COTL1: variants seen among roughly 807,000 people sequenced by gnomAD.
The protein encoded by COTL1 is coactosin like F-actin binding protein 1, also known as coactosin-like protein.
COTL1 carries 15 observed loss-of-function variants against 16.5 expected under a neutral mutation model. The ratio of observed to expected loss-of-function variants is 0.91; its 90% CI spans 0.61 to 1.40. COTL1 has a LOEUF of 1.40. Ranked by LOEUF, COTL1 falls within the 40% of genes most tolerant of loss-of-function variation. The probability of loss-of-function intolerance (pLI) is 0.00; values close to 1 mark genes in which losing one functional copy is unlikely to be tolerated. For synonymous variants in COTL1, 112 were observed against 85.3 expected, an observed-to-expected ratio of 1.31 and a Z score of -1.73; for missense variants, 220 against 201.5, an observed-to-expected ratio of 1.09 and a Z score of -0.56.
chr16:84,581,481 C>T (rs560286706), intron 3 of COTL1, among the ~76,000 whole-genome samples: 1 of 151,136 alleles, frequency 6.6e-6, no homozygotes, highest in Non-Finnish European at 1.5e-5. Context: ...CCCCAGTCAG[C>T]TCTCACTCCT....
At chr16:84,586,870 A>G (rs918783649) in intron 3 of COTL1, among the ~76,000 whole-genome samples, 1 of 152,152 alleles carries the variant, frequency 6.6e-6, no homozygotes, top group Non-Finnish European at 1.5e-5. Flanking sequence ...GATTACAGGC[A>G]TGAGCCACCA....
At chr16:84,591,830 A>ATAACATAACATAACATAAC (rs1904874620) in intron 2 of COTL1, among the ~76,000 whole-genome samples, 1 of 89,418 alleles carries the variant, frequency 1.1e-5, no homozygotes. Flanking sequence ...TCTCAAATAA[A>ATAACATAACATAACATAAC]ATAAAATAAA....
At chr16:84,587,628 A>G (rs1904762709) in intron 3 of COTL1, among the ~76,000 whole-genome samples, 1 of 152,122 alleles carries the variant, frequency 6.6e-6, no homozygotes, top group Non-Finnish European at 1.5e-5. Context: ...TAAAAAAAGC[A>G]GCTGCAGATG....
rs1267560458 is a variant in COTL1 at position 84,590,425 on chromosome 16, C to A, written c.161-163G>T. The A allele has an allele frequency of 1.5e-5, 10 of 670,250 alleles. No homozygotes were observed. The highest frequency in any genetic ancestry group is 2.4e-5 in the Non-Finnish European group (10 of 414,202). 41.5% of individuals were successfully genotyped at this position (670,250 alleles called of 1,614,324 possible). A position where few individuals can be genotyped will look rare whatever the true frequency, so the allele number is the denominator to read the frequency against. On this transcript the variant is annotated intron_variant, in intron 2 of 3. Coordinates refer to ENST00000262428, the MANE Select transcript of COTL1 (RefSeq NM_021149.5). The surrounding 1 kb of genome is among the most constrained non-coding windows in gnomAD (Gnocchi z 5.5). Reference sequence around the variant, plus strand: ...GTGCAGAGGACAGGAGGGAAGCACTCATCCGCTGCCCTTGTCACACTCCCC... The same window carrying A: ...GTGCAGAGGACAGGAGGGAAGCACTAATCCGCTGCCCTTGTCACACTCCCC...
chr16:84,591,394 AG>A (rs1219791221), intron 2 of COTL1, among the ~76,000 whole-genome samples: 4 of 151,752 alleles, frequency 2.6e-5, no homozygotes, highest in African/African-American at 9.7e-5. Flanking sequence ...TGTGTTAGCC[AG>A]GATGAATCTT....
intron 2 of COTL1, among the ~76,000 whole-genome samples, chr16:84,607,936 G>A (rs1279111535): frequency 1.3e-5 from 2 of 152,180 alleles, no homozygotes; most frequent in African/African-American, 4.8e-5. Context: ...AGCAGCAGAA[G>A]GAAGTGAGAA....
At chr16:84,584,067 G>A (rs1403132495) in intron 3 of COTL1, among the ~76,000 whole-genome samples, 1 of 152,224 alleles carries the variant, frequency 6.6e-6, no homozygotes, top group Admixed American at 6.5e-5. Context: ...ACTACCAGCG[G>A]TCACTGCATT....
intron 3 of COTL1, among the ~76,000 whole-genome samples, chr16:84,573,857 C>T (rs887162323): frequency 5.9e-5 from 9 of 151,656 alleles, no homozygotes; most frequent in African/African-American, 1.9e-4. Flanking sequence ...TTCAGCTGAA[C>T]AAAATAGTGA....
At chr16:84,607,883 AGCCCTAAGAAACGCCTAGACTTATCGG>A (rs1335161728) in intron 2 of COTL1, among the ~76,000 whole-genome samples, 2 of 152,184 alleles carry the variant, frequency 1.3e-5, no homozygotes, top group African/African-American at 4.8e-5. Context: ...TCAAGGGTGG[AGCCCTAAGAAACGCCTAGACTTATCGG>A]GCAGGAAGCA....
chr16:84,613,064 G>T (rs1215109426), intron 2 of COTL1, among the ~76,000 whole-genome samples: 2 of 150,650 alleles, frequency 1.3e-5, no homozygotes, highest in East Asian at 3.9e-4. Context: ...ACAACAGCGC[G>T]ATCTCGGCTC....
Position 84,617,848 on chromosome 16 carries a change from C to G in COTL1, c.67G>C (p.Ala23Pro). ...ATGAAAAGTTCCTACCAGATGACGG[C>G]CGAGCCGTCGTCGCGCACCAGGTTG... ...AYNLVRDDGS[A>P]VIWVTFKYDG... Residue 23 changes from alanine (A) to proline (P), a missense_variant, in exon 1 of 4, where the codon GCC (alanine) becomes CCC (proline). By Grantham distance (27) the Ala-to-Pro change is conservative. Transcript: ENST00000262428. 6.4e-7 allele frequency: 1 copy of G among 1,572,952 alleles called. No homozygotes were observed. Among genetic ancestry groups the G allele is most frequent in the Non-Finnish European group, 8.6e-7 (1 of 1,160,398 alleles).
At position 84,615,541 on chromosome 16, in the gene COTL1, C is replaced by A. The variant is rs144288504; in HGVS notation, c.160+1960G>T. Among the ~76,000 whole-genome samples, 654 of 152,220 alleles carry A rather than the reference C, an allele frequency of 4.3e-3. 4 individuals carry two copies. Among genetic ancestry groups the A allele is most frequent in the African/African-American group, 0.015 (622 of 41,524 alleles). ...ATGGGGGAAGGGAGGGATGGGTGAC[C>A]AGCGGGAGGAAAGAAGCTGAATTTA... is the stretch of plus-strand genomic sequence containing the variant. On this transcript the variant is annotated intron_variant, in intron 2 of 3. Coordinates refer to ENST00000262428, the MANE Select transcript of COTL1 (RefSeq NM_021149.5).
At position 84,617,838 on chromosome 16, in the gene COTL1, C is replaced by G. The variant is rs1905539025; in HGVS notation, c.77G>C (p.Trp26Ser). ...GTGGAGACGAATGAAAAGTTCCTAC[C>G]AGATGACGGCCGAGCCGTCGTCGCG... ...LVRDDGSAVI[W>S]VTFKYDGSTI... Residue 26 changes from tryptophan to serine, a missense_variant and splice_region_variant, in exon 1 of 4, where the codon TGG becomes TCG. Physicochemically the swap from Trp to Ser is radical, Grantham distance 177 (BLOSUM62 -3). Transcript: ENST00000262428. The G allele has an allele frequency of 6.4e-7, 1 of 1,571,930 alleles. No homozygotes were observed. Among genetic ancestry groups the G allele is most frequent in the Non-Finnish European group, 8.6e-7 (1 of 1,159,582 alleles).
rs1567528749 is a variant in COTL1, at chr16:84,566,204, G to C, written c.*641C>G. ...TTTTATCTCTTCTTATTCAGTCTGA[G>C]CCGGACCTAACCTTCTCACCACCGA... On this transcript the variant is annotated 3_prime_UTR_variant, in exon 4 of 4. Coordinates refer to ENST00000262428, the MANE Select transcript of COTL1 (RefSeq NM_021149.5). 6.5e-6 allele frequency: 1 copy of C among 152,760 alleles called. No individual in the cohort carries two copies. The highest frequency in any genetic ancestry group is 2.4e-5 in the African/African-American group (1 of 41,442). 9.5% of individuals were successfully genotyped at this position (152,760 alleles called of 1,614,324 possible).
At chr16:84,609,346 C>T (rs1356255321) in intron 2 of COTL1, among the ~76,000 whole-genome samples, 1 of 152,222 alleles carries the variant, frequency 6.6e-6, no homozygotes, top group Admixed American at 6.5e-5. Flanking sequence ...CCAGGTAGGG[C>T]TGATGCCACC....
intron 3 of COTL1, among the ~76,000 whole-genome samples, chr16:84,574,109 C>T (rs1597167590): frequency 6.6e-6 from 1 of 151,746 alleles, no homozygotes; most frequent in Non-Finnish European, 1.5e-5. Flanking sequence ...TCGAGGCTGC[C>T]GTGAGCCATG....
At chr16:84,604,632 C>G (rs1201134733) in intron 2 of COTL1, among the ~76,000 whole-genome samples, 2 of 152,084 alleles carry the variant, frequency 1.3e-5, no homozygotes, top group African/African-American at 4.8e-5. Context: ...ATGGGCCACA[C>G]AGCAGCCAGG....
rs538155723 is a variant in COTL1 at position 84,576,964 on chromosome 16, T to C, written c.319-10009A>G. ...TGTCTTTTCCACAAGTGGGTGATGATGACCAATAAACCAAAGACTCTGAAC... is the reference window on the plus strand; with the variant it reads ...TGTCTTTTCCACAAGTGGGTGATGACGACCAATAAACCAAAGACTCTGAAC... On this transcript the variant is annotated intron_variant, in intron 3 of 3. Transcript: ENST00000262428. 6 of 152,322 alleles carry C rather than the reference T, an allele frequency of 3.9e-5. No homozygotes were observed. The East Asian group carries it at 7.7e-4, about 20-fold the overall frequency. 9.4% of individuals were successfully genotyped at this position (152,322 alleles called of 1,614,324 possible).
chr16:84,617,610 C>A, intron 1 of COTL1, 27 bp from the exon 2 acceptor site: 1 of 1,545,768 alleles, frequency 6.5e-7, no homozygotes, highest in African/African-American at 1.4e-5. Flanking sequence ...GAAAAAAACA[C>A]ACACACACAT....
Sources: gnomAD v4.1 joint callset for allele counts (sites outside exome capture counted in the v4.1 genomes callset) on GRCh38, gnomAD v4.1.1 for gene constraint, Gnocchi (gnomAD v3.1) non-coding constraint, MANE v1.5 for transcripts, NCBI Gene and HGNC (gene_info 2026-07-23, HGNC 2026-07-21) for gene names.